The following B3GALT1 variants were observed in gnomAD, a reference collection of about 807,000 sequenced individuals.
The protein encoded by B3GALT1 is UDP-Gal:betaGlcNAc beta 1,3-galactosyltransferase, polypeptide 1.
A neutral mutation model predicts 23.2 loss-of-function variants in B3GALT1; 10 were observed. The ratio of observed to expected loss-of-function variants is 0.43; its 90% CI spans 0.27 to 0.73. The LOEUF is 0.73. B3GALT1 is among the 30% of genes least tolerant of loss of function. The pLI is 0.21. For missense variants in B3GALT1, 299 were observed against 405.4 expected (o/e 0.74, Z 2.25); for synonymous variants, 156 against 141.5 (o/e 1.10, Z -0.73).
chr2:167,424,754 C>T lies in B3GALT1; in HGVS notation c.-510-65423C>T, dbSNP rs13403316. On this transcript the variant is annotated intron_variant, in intron 1 of 4. Coordinates refer to ENST00000392690, the MANE Select transcript of B3GALT1 (RefSeq NM_020981.4). ...TTGTAATAGCCATTCCCTTTTATAG[C>T]CAACGGGGTTCTTGTGAGAGATTAT... Among the ~76,000 whole-genome samples, 952 of 152,274 alleles carry T rather than the reference C, an allele frequency of 6.3e-3. 7 individuals carry two copies. Among genetic ancestry groups the T allele is most frequent in the African/African-American group, 0.019 (780 of 41,536 alleles).
chr2:167,585,589 A>G (rs1286674053), intron 2 of B3GALT1, among the ~76,000 whole-genome samples: 1 of 152,242 alleles, frequency 6.6e-6, no homozygotes, highest in Non-Finnish European at 1.5e-5. Flanking sequence ...GTGGGAACGT[A>G]TATTTGAACA....
At chr2:167,600,449 G>A (rs965119999) in intron 2 of B3GALT1, among the ~76,000 whole-genome samples, 12 of 152,156 alleles carry the variant, frequency 7.9e-5, no homozygotes, top group Admixed American at 2.6e-4. Flanking sequence ...TCACCGAGTT[G>A]TACAACCATC....
intron 3 of B3GALT1, among the ~76,000 whole-genome samples, chr2:167,729,074 C>T (rs1230719928): frequency 4.6e-5 from 7 of 152,082 alleles, no homozygotes; most frequent in African/African-American, 1.4e-4. Flanking sequence ...TGTTTCAGTA[C>T]ACTGGAAAGA....
At chr2:167,401,831 T>C (rs1032252422) in intron 1 of B3GALT1, among the ~76,000 whole-genome samples, 2 of 152,212 alleles carry the variant, frequency 1.3e-5, no homozygotes, top group Admixed American at 6.5e-5. Context: ...TACAGGCTAA[T>C]ACTTCTTAGG....
At chr2:167,314,467 C>G (rs147046562) in intron 1 of B3GALT1, among the ~76,000 whole-genome samples, 12 of 152,122 alleles carry the variant, frequency 7.9e-5, no homozygotes. Flanking sequence ...TGATAAAGAC[C>G]TAATTTGTTC....
intron 3 of B3GALT1, among the ~76,000 whole-genome samples, chr2:167,804,525 T>C (rs1241147030): frequency 9.2e-5 from 14 of 151,570 alleles, no homozygotes; most frequent in Admixed American, 9.2e-4. Context: ...CCCCTTCCTG[T>C]GTCCATGTGT....
chr2:167,393,278 T>G (rs530239665), intron 1 of B3GALT1, among the ~76,000 whole-genome samples: 6 of 151,302 alleles, frequency 4.0e-5, no homozygotes, highest in East Asian at 1.9e-4. Flanking sequence ...TTGGTGAGTT[T>G]TTTTTTTTTT....
chr2:167,716,008 G>A lies in B3GALT1; in HGVS notation c.-352+69042G>A, dbSNP rs927571431. On this transcript the variant is annotated intron_variant, in intron 3 of 4. Transcript: ENST00000392690. ...TCAGGTAGTGCTGCCACAATTCTGC[G>A]TAGCTCCTCCAGGACCAGCCCCAAG... is the stretch of plus-strand genomic sequence containing the variant. 3 of 1,611,082 alleles carry A rather than the reference G, an allele frequency of 1.9e-6. No individual in the cohort carries two copies. The African/African-American group carries it at 4.0e-5, about 22-fold the overall frequency.
chr2:167,468,083 G>A (rs191423697), intron 1 of B3GALT1, among the ~76,000 whole-genome samples: 91 of 152,238 alleles, frequency 6.0e-4, no homozygotes, highest in Non-Finnish European at 1.0e-3. Flanking sequence ...CAAGGGCCAT[G>A]AAACAGTGAA....
intron 2 of B3GALT1, among the ~76,000 whole-genome samples, chr2:167,623,683 A>G (rs2105441409): frequency 6.6e-6 from 1 of 152,182 alleles, no homozygotes; most frequent in African/African-American, 2.4e-5. Context: ...CCAAACCACC[A>G]TGGCACATGT....
chr2:167,714,825 G>T, intron 3 of B3GALT1: 1 of 1,611,388 alleles, frequency 6.2e-7, no homozygotes, highest in Non-Finnish European at 8.5e-7. Context: ...ACTTTAGAAA[G>T]CTTCTCTTAT....
chr2:167,565,446 G>C (rs1009046389), intron 2 of B3GALT1, among the ~76,000 whole-genome samples: 3 of 152,050 alleles, frequency 2.0e-5, no homozygotes, highest in African/African-American at 7.3e-5. Context: ...CATAGGCAAG[G>C]GCAAGAACTT....
At chr2:167,322,773 C>T (rs1429244849) in intron 1 of B3GALT1, among the ~76,000 whole-genome samples, 2 of 151,960 alleles carry the variant, frequency 1.3e-5, no homozygotes, top group East Asian at 3.8e-4. Context: ...CTGTGAAGAC[C>T]TCTCTGAATC....
In B3GALT1 at chr2:167,766,319, A is replaced by T. The variant is rs527578934; in HGVS notation, c.-351-52353A>T. Among the ~76,000 whole-genome samples, 8 of 152,348 alleles carry T rather than the reference A, an allele frequency of 5.3e-5. No homozygotes were observed. The East Asian group carries it at 1.5e-3, about 29-fold the overall frequency. ...TTGTCACTACTAGAAATTGCGACAA[A>T]ACTCAAAGAAAAACCTTTCTGTAGA... is the stretch of plus-strand genomic sequence containing the variant. On this transcript the variant is annotated intron_variant, in intron 3 of 4. Coordinates refer to ENST00000392690, the MANE Select transcript of B3GALT1 (RefSeq NM_020981.4).
At chr2:167,817,811 G>A (rs1311857382) in intron 3 of B3GALT1, among the ~76,000 whole-genome samples, 5 of 152,312 alleles carry the variant, frequency 3.3e-5, no homozygotes, top group Non-Finnish European at 5.9e-5. Flanking sequence ...ATGAAGCTTT[G>A]TATACATATA....
At chr2:167,610,113 G>A (rs1039289787) in intron 2 of B3GALT1, among the ~76,000 whole-genome samples, 39 of 152,084 alleles carry the variant, frequency 2.6e-4, no homozygotes, top group African/African-American at 8.0e-4. Context: ...ATGAGACAGT[G>A]CTATCTTTTA....
chr2:167,731,372 T>G (rs1445969620), intron 3 of B3GALT1, among the ~76,000 whole-genome samples: 10 of 152,170 alleles, frequency 6.6e-5, no homozygotes, highest in African/African-American at 2.2e-4. Flanking sequence ...AGATGATATT[T>G]CTCTGCACAC....
Position 167,609,950 on chromosome 2 carries a change from A to G in B3GALT1, c.-409-36959A>G, listed in dbSNP as rs77078428. 3.8e-3 allele frequency among the ~76,000 whole-genome samples: 576 copies of G among 152,298 alleles called. 6 individuals are homozygous for G. Among genetic ancestry groups the G allele is most frequent in the African/African-American group, 0.013 (531 of 41,572 alleles). On this transcript the variant is annotated intron_variant, in intron 2 of 4. Transcript: ENST00000392690. ...TTCACTAGAGAGAAATAGAAAAAAT[A>G]CAAACCAAGCAAAAGAGTGAAGTTA...
intron 1 of B3GALT1, among the ~76,000 whole-genome samples, chr2:167,439,864 C>A (rs1027275196): frequency 2.0e-5 from 3 of 151,346 alleles, no homozygotes; most frequent in Admixed American, 2.0e-4. Context: ...ATGTGTTAAA[C>A]TACATTTTTC....
Sources: allele counts gnomAD v4.1 joint callset (sites outside exome capture counted in the v4.1 genomes callset), GRCh38; gene constraint gnomAD v4.1.1; transcripts MANE v1.5; gene names NCBI Gene and HGNC (gene_info 2026-07-23, HGNC 2026-07-21).